SLIT2: variants seen among roughly 807,000 people sequenced by gnomAD.
SLIT2 encodes the protein slit homolog 2 protein.
In SLIT2, 41 loss-of-function variants were observed where a neutral mutation model predicts 185.7. That is an observed-to-expected ratio of 0.22 (90% CI 0.17 to 0.29). SLIT2 has a LOEUF of 0.29. Among genes scored for constraint, SLIT2 ranks in the 10% least tolerant of loss-of-function variants. SLIT2 has a pLI of 1.00. For synonymous variants in SLIT2, 693 were observed against 680.2 expected (o/e 1.02, Z -0.29); for missense variants, 1,571 against 1,909.0 (o/e 0.82, Z 3.30).
chr4:20,523,891 C>T lies in SLIT2; in HGVS notation c.1262C>T (p.Ala421Val), dbSNP rs765939282. Reference protein sequence around the residue: ...IAKGTFSPLRAIQTMHLAQNP... With the variant: ...IAKGTFSPLRVIQTMHLAQNP... ...AAGGGGACCTTTTCACCTCTTCGGG[C>T]CATTCAAACTATGTATGTATAAGTG... Residue 421 changes from alanine to valine, a missense_variant, in exon 13 of 37, where the codon GCC becomes GTC. Coordinates refer to ENST00000504154, the MANE Select transcript of SLIT2 (RefSeq NM_004787.4). The T allele has an allele frequency of 1.2e-6, 2 of 1,614,042 alleles. No homozygotes were observed. Among genetic ancestry groups the T allele is most frequent in the South Asian group, 2.2e-5 (2 of 91,072 alleles).
At chr4:20,441,211 G>C (rs1729712967) in intron 4 of SLIT2, among the ~76,000 whole-genome samples, 1 of 152,144 alleles carries the variant, frequency 6.6e-6, no homozygotes, top group African/African-American at 2.4e-5. Flanking sequence ...TGATTTAGTT[G>C]ACATTCTCTT....
chr4:20,470,165 T>C (rs1714827596), intron 5 of SLIT2, among the ~76,000 whole-genome samples: 1 of 152,142 alleles, frequency 6.6e-6, no homozygotes, highest in Non-Finnish European at 1.5e-5. Flanking sequence ...GAAAATACAG[T>C]ATTTCATTTG....
chr4:20,453,590 C>G (rs1712718509), intron 4 of SLIT2, among the ~76,000 whole-genome samples: 1 of 152,016 alleles, frequency 6.6e-6, no homozygotes, highest in South Asian at 2.1e-4. Flanking sequence ...GAAATTGAAG[C>G]TTAGAGAAGT....
Position 20,472,466 on chromosome 4 carries a change from C to A in SLIT2, c.467+4643C>A, listed in dbSNP as rs865973193. Among the ~76,000 whole-genome samples the A allele has an allele frequency of 1.2e-3, 33 of 26,648 alleles. 6 individuals carry two copies. The highest frequency in any genetic ancestry group is 1.3e-3 in the Non-Finnish European group (21 of 15,860). 17.5% of individuals were successfully genotyped at this position (26,648 alleles called of 152,430 possible). A position where few individuals can be genotyped will look rare whatever the true frequency, so the allele number is the denominator to read the frequency against. On this transcript the variant is annotated intron_variant, in intron 5 of 36. Transcript: ENST00000504154. ...TATATCTATATAGATATATCTATAT[C>A]TATATATAGATATATATCTATATAT... is the stretch of plus-strand genomic sequence containing the variant.
intron 9 of SLIT2, among the ~76,000 whole-genome samples, chr4:20,509,232 G>A (rs1181124686): frequency 6.6e-6 from 1 of 151,664 alleles, no homozygotes; most frequent in Non-Finnish European, 1.5e-5. Flanking sequence ...TGCCAGTTGA[G>A]CTTTATTTTC....
intron 8 of SLIT2, 48 bp downstream of exon 8, chr4:20,489,030 A>T (rs755024419): frequency 6.7e-7 from 1 of 1,481,960 alleles, no homozygotes; most frequent in South Asian, 1.2e-5. Context: ...GTATCCTGTT[A>T]TGTAACAGAA....
In SLIT2 at chr4:20,265,602, G is replaced by T. The variant is rs1207843736; in HGVS notation, c.324-3208G>T. Among the ~76,000 whole-genome samples, 69 of 151,448 alleles carry T rather than the reference G, an allele frequency of 4.6e-4. 1 individual carries two copies. The highest frequency in any genetic ancestry group is 8.8e-5 in the Non-Finnish European group (6 of 67,834). On this transcript the variant is annotated intron_variant, in intron 3 of 36. Coordinates refer to ENST00000504154, the MANE Select transcript of SLIT2 (RefSeq NM_004787.4). Reference sequence around the variant, plus strand: ...AAAGATCACTCATAATAACTTTCATGAAATAATTATAAAGTACTGCAATTC... The same window carrying T: ...AAAGATCACTCATAATAACTTTCATTAAATAATTATAAAGTACTGCAATTC...
At chr4:20,443,582 TAAAAAAAAAAA>T (rs71653885) in intron 4 of SLIT2, among the ~76,000 whole-genome samples, 3 of 63,060 alleles carry the variant, frequency 4.8e-5, no homozygotes, top group South Asian at 8.3e-4. Context: ...GGAGAAAATC[TAAAAAAAAAAA>T]AAAAAAAAAA....
intron 4 of SLIT2, among the ~76,000 whole-genome samples, chr4:20,361,225 A>G (rs996417033): frequency 4.0e-5 from 6 of 151,872 alleles, no homozygotes; most frequent in African/African-American, 1.5e-4. Flanking sequence ...TTCTTCAACC[A>G]GATTCACTTG....
rs1355680346 is a variant in SLIT2 at position 20,269,354 on chromosome 4, T to G, written c.395+473T>G. Among the ~76,000 whole-genome samples the G allele has an allele frequency of 2.6e-5, 4 of 151,918 alleles. No individual in the cohort carries two copies. In the East Asian group the frequency reaches 7.7e-4, roughly 29 times the overall value. On this transcript the variant is annotated intron_variant, in intron 4 of 36. Coordinates refer to ENST00000504154, the MANE Select transcript of SLIT2 (RefSeq NM_004787.4). ...TTTAAAGAGGGCTGTAAATTTCCTC[T>G]TAAATGTTTCCTTTAAAGCCACAAT...
chr4:20,542,398 T>C (rs146574416), intron 20 of SLIT2, 96 bp from the exon 21 acceptor site: 1 of 1,149,744 alleles, frequency 8.7e-7, no homozygotes, highest in Non-Finnish European at 1.3e-6. Context: ...AGCTTAAGAC[T>C]CTTGTGTTTG....
intron 4 of SLIT2, among the ~76,000 whole-genome samples, chr4:20,308,975 G>A (rs563309660): frequency 5.3e-5 from 8 of 152,148 alleles, no homozygotes; most frequent in African/African-American, 1.9e-4. Flanking sequence ...TGGAGGTTTC[G>A]AGAATAAGTT....
At chr4:20,360,019 C>G (rs1722616986) in intron 4 of SLIT2, among the ~76,000 whole-genome samples, 1 of 151,998 alleles carries the variant, frequency 6.6e-6, no homozygotes, top group South Asian at 2.1e-4. Context: ...GGTATGGTAC[C>G]TAGGTAGGAA....
At chr4:20,556,959 C>G (rs1347363405) in intron 26 of SLIT2, among the ~76,000 whole-genome samples, 3 of 152,064 alleles carry the variant, frequency 2.0e-5, no homozygotes, top group Non-Finnish European at 4.4e-5. Flanking sequence ...GAAGACCAAA[C>G]CAGCCACAAA....
intron 4 of SLIT2, among the ~76,000 whole-genome samples, chr4:20,461,084 A>G (rs1037763448): frequency 5.3e-5 from 8 of 152,194 alleles, no homozygotes; most frequent in South Asian, 2.1e-4. Flanking sequence ...AGCATCACAT[A>G]GTTGATAGGT....
intron 5 of SLIT2, among the ~76,000 whole-genome samples, chr4:20,470,479 G>A (rs540440681): frequency 3.3e-3 from 386 of 117,754 alleles, no homozygotes; most frequent in African/African-American, 0.011. Context: ...ATAGTGCAGT[G>A]GAGTCTGTGT....
At chr4:20,513,959 A>G (rs1233790579) in intron 11 of SLIT2, among the ~76,000 whole-genome samples, 1 of 152,166 alleles carries the variant, frequency 6.6e-6, no homozygotes, top group Non-Finnish European at 1.5e-5. Context: ...TGAAACTGAA[A>G]TGATGAAGAG....
intron 33 of SLIT2, among the ~76,000 whole-genome samples, chr4:20,605,033 G>A (rs1902844): frequency 0.59 from 89,761 of 151,378 alleles, 26,758 homozygotes; most frequent in Admixed American, 0.7. Flanking sequence ...ACGGGGTTTC[G>A]CCATCTTGGC....
At chr4:20,406,343 A>G (rs1726773003) in intron 4 of SLIT2, among the ~76,000 whole-genome samples, 1 of 144,026 alleles carries the variant, frequency 6.9e-6, no homozygotes, top group South Asian at 2.4e-4. Flanking sequence ...CTTATCAACG[A>G]TACTATTTCC....
Sources: gnomAD v4.1 joint callset for allele counts (sites outside exome capture counted in the v4.1 genomes callset) on GRCh38, gnomAD v4.1.1 for gene constraint, MANE v1.5 for transcripts, NCBI Gene and HGNC (gene_info 2026-07-23, HGNC 2026-07-21) for gene names.